The following TRPC5 variants were observed in gnomAD, a reference collection of about 807,000 sequenced individuals.
TRPC5 encodes short transient receptor potential channel 5.
TRPC5 carries 9 observed loss-of-function variants against 56.5 expected under a neutral mutation model. The observed-to-expected ratio is 0.16, with a 90% confidence interval of 0.10 to 0.28. The LOEUF is 0.28. TRPC5 is among the 10% of genes least tolerant of loss of function. The pLI is 1.00. For missense variants in TRPC5, 469 were observed against 748.9 expected, an observed-to-expected ratio of 0.63 and a Z score of 4.36; for synonymous variants, 282 against 278.5, an observed-to-expected ratio of 1.01 and a Z score of -0.13.
At chrX:111,780,215 G>A (rs145278166) in intron 9 of TRPC5, among the ~76,000 whole-genome samples, 153 of 110,975 alleles carry the variant, frequency 1.4e-3, no homozygotes, top group African/African-American at 4.7e-3. Context: ...TTCTCAAGAG[G>A]TGTTGGTGAT....
chrX:111,795,261 T>C (rs1408114871), intron 7 of TRPC5, among the ~76,000 whole-genome samples: 1 of 111,362 alleles, frequency 9.0e-6, no homozygotes, highest in Non-Finnish European at 1.9e-5. Flanking sequence ...CTAAGTTTAA[T>C]GTTAGCTGTA....
intron 1 of TRPC5, among the ~76,000 whole-genome samples, chrX:112,068,915 G>A (rs763122386): frequency 5.4e-5 from 6 of 111,793 alleles, no homozygotes; most frequent in Non-Finnish European, 1.1e-4. Context: ...GTATCTTGTA[G>A]GATCAGCCAA....
At chrX:112,005,748 CTT>C (rs776226830) in intron 1 of TRPC5, among the ~76,000 whole-genome samples, 2 of 111,547 alleles carry the variant, frequency 1.8e-5, no homozygotes, top group South Asian at 7.6e-4. Flanking sequence ...GGTCCTTAGT[CTT>C]TATATAGGGT....
rs1037650895 is a variant in TRPC5, at chrX:112,038,085, G to C, written c.-22+43794C>G. Among the ~76,000 whole-genome samples, 4 of 111,368 alleles carry C rather than the reference G, an allele frequency of 3.6e-5. No individual in the cohort carries two copies. The Admixed American group carries it at 3.8e-4, about 11-fold the overall frequency. ...TTTTCCACTGCAAAAGGGAGTATGA[G>C]ATGCAAAATCATAGTCTTCCACCAA... On this transcript the variant is annotated intron_variant, in intron 1 of 10. Transcript: ENST00000262839.
At chrX:111,960,844 A>G (rs1019075507) in intron 1 of TRPC5, among the ~76,000 whole-genome samples, 4 of 111,210 alleles carry the variant, frequency 3.6e-5, no homozygotes, top group Admixed American at 2.9e-4. Context: ...TTTGAGACAG[A>G]GTCTCACTCT....
At position 111,846,973 on chromosome X, in the gene TRPC5, C is replaced by T. The variant is rs73639657; in HGVS notation, c.1700+141G>A. 2.4e-3 allele frequency: 1,508 copies of T among 641,300 alleles called. 20 individuals are homozygous for T. In the African/African-American group the frequency reaches 0.03, roughly 13 times the overall value. 52.9% of individuals were successfully genotyped at this position (641,300 alleles called of 1,213,427 possible). On this transcript the variant is annotated intron_variant, in intron 6 of 10. Transcript: ENST00000262839. ...GAACATTCCTCCACCTCTGACCCTT[C>T]GGGTGGATCCACAGTGAGCACTGCC...
rs1176318054 is a variant in TRPC5 at position 111,770,554 on chromosome X, A to C, written c.*5759T>G. Among the ~76,000 whole-genome samples, 3 of 111,986 alleles carry C rather than the reference A, an allele frequency of 2.7e-5. No homozygotes were observed. The highest frequency in any genetic ancestry group is 5.6e-5 in the Non-Finnish European group (3 of 53,184). On this transcript the variant is annotated 3_prime_UTR_variant, in exon 11 of 11. Transcript: ENST00000262839. ...TTCATCTCAATTTGGCCATCCAAAA[A>C]ACTGACAATTTGGTGGTTTAGCCCC...
chrX:111,809,237 A>C (rs766032928), intron 7 of TRPC5, among the ~76,000 whole-genome samples: 46 of 111,137 alleles, frequency 4.1e-4, no homozygotes, highest in Non-Finnish European at 7.0e-4. Context: ...AAGGAATTGC[A>C]GTCCTTGTGG....
chrX:111,979,181 C>A (rs1032685402), intron 1 of TRPC5, among the ~76,000 whole-genome samples: 1 of 111,061 alleles, frequency 9.0e-6, no homozygotes, highest in African/African-American at 3.3e-5. Context: ...CACATATATA[C>A]AAAACTGATG....
chrX:111,981,474 T>A (rs1928080905), intron 1 of TRPC5, among the ~76,000 whole-genome samples: 1 of 111,810 alleles, frequency 8.9e-6, no homozygotes, highest in African/African-American at 3.2e-5. Context: ...ACACCCAGAA[T>A]AACATCTGAC....
intron 1 of TRPC5, among the ~76,000 whole-genome samples, chrX:112,042,147 C>T (rs912913162): frequency 6.3e-5 from 7 of 111,444 alleles, no homozygotes; most frequent in African/African-American, 2.0e-4. Context: ...CAGATGCTCA[C>T]CGCAGATATG....
chrX:111,852,907 A>C (rs1923124050), intron 4 of TRPC5, among the ~76,000 whole-genome samples: 1 of 110,711 alleles, frequency 9.0e-6, no homozygotes, highest in Admixed American at 9.6e-5. Flanking sequence ...AAGCTAGGCA[A>C]TGGGGCCCAA....
chrX:111,921,292 A>C lies in TRPC5; in HGVS notation c.379-8480T>G, dbSNP rs557275974. On this transcript the variant is annotated intron_variant, in intron 2 of 10. Coordinates refer to ENST00000262839, the MANE Select transcript of TRPC5 (RefSeq NM_012471.3). ...GAATGGGTATGGCTGTGCTCCAATA[A>C]ATTTTATTTATAAAAACAGTTGACA... Among the ~76,000 whole-genome samples the C allele has an allele frequency of 9.0e-4, 100 of 111,384 alleles. No homozygotes were observed. The South Asian group carries it at 0.037, about 41-fold the overall frequency.
chrX:111,871,473 C>A (rs760430696), intron 3 of TRPC5, among the ~76,000 whole-genome samples: 1 of 111,204 alleles, frequency 9.0e-6, no homozygotes, highest in African/African-American at 3.3e-5. Context: ...GGCTGGATTA[C>A]CTTGGGCAAG....
intron 7 of TRPC5, among the ~76,000 whole-genome samples, chrX:111,784,999 C>A (rs1945949994): frequency 8.9e-6 from 1 of 112,481 alleles, no homozygotes; most frequent in South Asian, 3.6e-4. Context: ...CATAACCGAA[C>A]AAAAGGCAGC....
intron 3 of TRPC5, among the ~76,000 whole-genome samples, chrX:111,870,863 AT>A (rs1247006364): frequency 4.5e-5 from 5 of 110,905 alleles, no homozygotes; most frequent in African/African-American, 1.6e-4. Context: ...AAGGTCCCTC[AT>A]TTTTTTTCTT....
chrX:111,953,146 T>A (rs1018109104), intron 1 of TRPC5, among the ~76,000 whole-genome samples: 1 of 111,935 alleles, frequency 8.9e-6, no homozygotes, highest in African/African-American at 3.2e-5. Flanking sequence ...TTGACTCCAA[T>A]AGGCCAAAGC....
intron 1 of TRPC5, among the ~76,000 whole-genome samples, chrX:112,028,165 T>A (rs1377679231): frequency 8.9e-6 from 1 of 112,311 alleles, no homozygotes; most frequent in Non-Finnish European, 1.9e-5. Context: ...CTGGAAGGAA[T>A]ACTCAAGTTC....
At chrX:111,941,627 C>A (rs1413828480) in intron 2 of TRPC5, among the ~76,000 whole-genome samples, 1 of 112,294 alleles carries the variant, frequency 8.9e-6, no homozygotes, top group Non-Finnish European at 1.9e-5. Context: ...GTCAAAGTCA[C>A]AGCTGTTCTA....
Sources: gnomAD v4.1 joint callset for allele counts (sites outside exome capture counted in the v4.1 genomes callset) on GRCh38, gnomAD v4.1.1 for gene constraint, MANE v1.5 for transcripts, NCBI Gene and HGNC (gene_info 2026-07-23, HGNC 2026-07-21) for gene names.